MIDEAS: variants seen among roughly 807,000 people sequenced by gnomAD.
The protein encoded by MIDEAS is mitotic deacetylase associated SANT domain protein.
Under a neutral mutation model 102.7 loss-of-function variants are expected in MIDEAS, and 26 were observed. The ratio of observed to expected loss-of-function variants is 0.25; its 90% CI spans 0.19 to 0.35. The LOEUF (loss-of-function observed/expected upper bound fraction) is 0.35, where lower values mean the gene tolerates loss of function less well. Among genes scored for constraint, MIDEAS ranks in the 10% least tolerant of loss-of-function variants. MIDEAS has a pLI of 1.00. For missense variants in MIDEAS, 1,231 were observed against 1,435.6 expected (o/e 0.86, Z 2.30); for synonymous variants, 585 against 591.0 (o/e 0.99, Z 0.15).
chr14:73,726,251 G>A (rs950860521), intron 7 of MIDEAS, 143 bp from the exon 8 acceptor site: 1 of 738,876 alleles, frequency 1.4e-6, no homozygotes, highest in Non-Finnish European at 2.3e-6. Context: ...GGTCCACTGG[G>A]GTGGTGAGAT....
chr14:73,766,772 C>CG (rs1270377401), intron 1 of MIDEAS, among the ~76,000 whole-genome samples: 1 of 151,364 alleles, frequency 6.6e-6, no homozygotes, highest in Non-Finnish European at 1.5e-5. Context: ...GGATGGTCGT[C>CG]TCAATCTCCT....
chr14:73,773,157 A>G (rs536786903), intron 1 of MIDEAS, among the ~76,000 whole-genome samples: 1 of 149,780 alleles, frequency 6.7e-6, no homozygotes, highest in South Asian at 2.1e-4. Flanking sequence ...TTTTTAATGT[A>G]TATTTGTTCT....
intron 1 of MIDEAS, among the ~76,000 whole-genome samples, chr14:73,779,185 G>A (rs1281138734): frequency 2.0e-5 from 3 of 151,766 alleles, no homozygotes; most frequent in Admixed American, 2.0e-4. Context: ...TTAGGAGTTC[G>A]AGACCAGCCT....
intron 3 of MIDEAS, among the ~76,000 whole-genome samples, chr14:73,730,723 T>TG (rs560390446): frequency 2.7e-5 from 4 of 148,946 alleles, no homozygotes; most frequent in Non-Finnish European, 4.4e-5. Context: ...GAGGTCGAGG[T>TG]GGGGGGGAGG....
upstream of MIDEAS, among the ~76,000 whole-genome samples, chr14:73,762,922 TA>T (rs2053565492): frequency 6.6e-6 from 1 of 152,146 alleles, no homozygotes; most frequent in Admixed American, 6.5e-5. Context: ...TGATTCCCAA[TA>T]AAGGTAGAAT....
chr14:73,752,396 T>C (rs747265808), intron 1 of MIDEAS, among the ~76,000 whole-genome samples: 1 of 152,088 alleles, frequency 6.6e-6, no homozygotes, highest in South Asian at 2.1e-4. Context: ...GTGTAGCATG[T>C]GTGTCAAGCC....
At position 73,739,943 on chromosome 14, in the gene MIDEAS, T is replaced by C; in HGVS notation, c.66A>G (p.Glu22=). Residue 22 remains glutamate, a synonymous_variant, in exon 2 of 13, where the codon GAA becomes GAG. Coordinates refer to ENST00000423556, the MANE Select transcript of MIDEAS (RefSeq NM_001367710.1). Reference sequence around the variant, plus strand: ...GAGGGGGCTGCTCCTTGGGAGCTGGTTCCTGGCCCCCGAAGAGGCAACGCT... The same window carrying C: ...GAGGGGGCTGCTCCTTGGGAGCTGGCTCCTGGCCCCCGAAGAGGCAACGCT... The part of the protein sequence containing the change: ...KRKRCLFGGQ[E]PAPKEQPPPL... 6.6e-7 allele frequency: 1 copy of C among 1,517,780 alleles called. No individual in the cohort carries two copies. The allele number at this position is 1,517,780 out of a possible 1,614,324, so 94.0% of individuals were successfully genotyped here.
intron 1 of MIDEAS, chr14:73,754,796 T>TA (rs928343554): frequency 1.3e-5 from 2 of 152,168 alleles, no homozygotes; most frequent in South Asian, 2.1e-4. Context: ...TTCTGAGCTA[T>TA]GGGGGCCTTA....
intron 1 of MIDEAS, among the ~76,000 whole-genome samples, chr14:73,756,472 C>G (rs543436303): frequency 7.9e-5 from 12 of 152,304 alleles, no homozygotes; most frequent in African/African-American, 2.9e-4. Context: ...TTGGGGATTT[C>G]AGCCTACTCC....
Position 73,725,201 on chromosome 14 carries a change from G to A in MIDEAS, c.2574+71C>T. The A allele has an allele frequency of 8.1e-7, 1 of 1,230,956 alleles. No individual in the cohort carries two copies. The allele number at this position is 1,230,956 out of a possible 1,614,324, so 76.3% of individuals were successfully genotyped here. ...TGCTTTTTAAGAGGGATTGGTCACT[G>A]GCAGAGGGAGCCCCAAAGTCACACA... On this transcript the variant is annotated intron_variant, in intron 9 of 12. Transcript: ENST00000423556. The surrounding 1 kb of genome is among the most constrained non-coding windows in gnomAD (Gnocchi z 4.1).
At chr14:73,757,062 CAA>C (rs985143436) in intron 1 of MIDEAS, among the ~76,000 whole-genome samples, 1 of 151,660 alleles carries the variant, frequency 6.6e-6, no homozygotes, top group Non-Finnish European at 1.5e-5. Context: ...TTCTTGAGCC[CAA>C]GAGTTCAAGA....
intron 1 of MIDEAS, among the ~76,000 whole-genome samples, chr14:73,767,341 A>G (rs1301315788): frequency 6.6e-6 from 1 of 152,150 alleles, no homozygotes; most frequent in Non-Finnish European, 1.5e-5. Context: ...TGGGCAAACA[A>G]GCTGTCATAG....
At chr14:73,774,544 T>C (rs1381167711) in intron 1 of MIDEAS, among the ~76,000 whole-genome samples, 1 of 151,910 alleles carries the variant, frequency 6.6e-6, no homozygotes, top group African/African-American at 2.4e-5. Context: ...TATTTATCCT[T>C]CTTCAAGGAG....
chr14:73,776,822 C>T (rs1192726650), intron 1 of MIDEAS, among the ~76,000 whole-genome samples: 1 of 151,964 alleles, frequency 6.6e-6, no homozygotes, highest in Admixed American at 6.6e-5. Context: ...CCTGTAACCC[C>T]TGCACTTTGG....
chr14:73,737,044 G>C lies in MIDEAS; in HGVS notation c.1703C>G (p.Thr568Ser). 6.2e-7 allele frequency: 1 copy of C among 1,613,990 alleles called. No individual in the cohort carries two copies. Among genetic ancestry groups the C allele is most frequent in the South Asian group, 1.1e-5 (1 of 91,072 alleles). The change falls in exon 3 of 13, where the codon ACC becomes AGC. Residue 568 changes from threonine (T) to serine (S), a missense_variant. By Grantham distance (58) the Thr-to-Ser change is moderately conservative (BLOSUM62 1). Transcript: ENST00000423556. The stretch of plus-strand genomic sequence containing the variant: ...GGGGATTCGGGTGGACCGCCTGCGG[G>C]TGACGATGACTGATGGCTTGTGCTC... ...PAEHKPSVIV[T>S]RRRSTRIPGT...
chr14:73,725,113 C>CT lies in MIDEAS; in HGVS notation c.2574+158dup, dbSNP rs1307474344. Reference sequence around the variant, plus strand: ...GAACCAAAAGGGAAAAGAGACCTATCTTTCTCTTTCTTGTATTGTTTAGGA... The same window carrying CT: ...GAACCAAAAGGGAAAAGAGACCTATCTTTTCTCTTTCTTGTATTGTTTAGGA... On this transcript the variant is annotated intron_variant, in intron 9 of 12. Transcript: ENST00000423556. This position sits in a 1 kb window ranked among gnomAD's most constrained non-coding sequence, Gnocchi z 4.1. 3 of 646,358 alleles carry CT rather than the reference C, an allele frequency of 4.6e-6. No homozygotes were observed. The highest frequency in any genetic ancestry group is 3.6e-5 in the African/African-American group (2 of 55,200). The allele number at this position is 646,358 out of a possible 1,614,324, so 40.0% of individuals were successfully genotyped here. A position where few individuals can be genotyped will look rare whatever the true frequency, so the allele number is the denominator to read the frequency against.
intron 1 of MIDEAS, among the ~76,000 whole-genome samples, chr14:73,773,468 A>G (rs900650247): frequency 3.3e-5 from 5 of 151,808 alleles, no homozygotes; most frequent in Admixed American, 6.6e-5. Flanking sequence ...TGTCCTTTCC[A>G]AAATGAGCCC....
At chr14:73,760,541 A>C (rs537986041), upstream of MIDEAS, among the ~76,000 whole-genome samples, 9 of 152,284 alleles carry the variant, frequency 5.9e-5, no homozygotes, top group African/African-American at 2.2e-4. The surrounding 1 kb of genome is among the most constrained non-coding windows in gnomAD (Gnocchi z 4.8). Context: ...TCAGGAGGAG[A>C]CGGTGACGAA....
At chr14:73,781,745 A>C (rs984146711) in intron 1 of MIDEAS, among the ~76,000 whole-genome samples, 3 of 144,558 alleles carry the variant, frequency 2.1e-5, no homozygotes, top group Admixed American at 2.1e-4. Context: ...AAAAAAAAAA[A>C]AAAAAAAAAA....
Sources: allele counts gnomAD v4.1 joint callset (sites outside exome capture counted in the v4.1 genomes callset), GRCh38; gene constraint gnomAD v4.1.1; non-coding constraint Gnocchi (gnomAD v3.1); transcripts MANE v1.5; gene names NCBI Gene and HGNC (gene_info 2026-07-23, HGNC 2026-07-21).